Variants in RORB observed in about 807,000 individuals in gnomAD.
RORB encodes nuclear receptor ROR-beta.
A neutral mutation model predicts 59.1 loss-of-function variants in RORB; 6 were observed. The ratio of observed to expected loss-of-function variants is 0.10; its 90% confidence interval spans 0.06 to 0.20. RORB has a LOEUF of 0.20. Among genes scored for constraint, RORB ranks in the 10% least tolerant of loss-of-function variants. The pLI is 1.00. For missense variants in RORB, 320 were observed against 560.5 expected (o/e 0.57, Z 4.33); for synonymous variants, 215 against 204.5 (o/e 1.05, Z -0.44).
chr9:74,540,785 A>G (rs1319630502), intron 1 of RORB, among the ~76,000 whole-genome samples: 1 of 152,148 alleles, frequency 6.6e-6, no homozygotes, highest in East Asian at 1.9e-4. Flanking sequence ...CCACATAAAT[A>G]TATCATCTTG....
chr9:74,591,903 C>T (rs148412827), intron 1 of RORB, among the ~76,000 whole-genome samples: 344 of 151,686 alleles, frequency 2.3e-3, no homozygotes, highest in African/African-American at 8.0e-3. Context: ...GGAGTGTGTG[C>T]GTGTGCATGT....
chr9:74,619,533 C>T (rs1563954891), intron 1 of RORB, among the ~76,000 whole-genome samples: 1 of 152,134 alleles, frequency 6.6e-6, no homozygotes, highest in South Asian at 2.1e-4. Context: ...CTCACTGCAA[C>T]CTCTGCCTCC....
chr9:74,597,955 T>C (rs1226199508), intron 1 of RORB, among the ~76,000 whole-genome samples: 9 of 150,776 alleles, frequency 6.0e-5, no homozygotes, highest in Non-Finnish European at 1.3e-4. Flanking sequence ...TGAAACTCTG[T>C]CTCAAAAAAA....
At chr9:74,649,721 A>G (rs1823962301) in intron 4 of RORB, among the ~76,000 whole-genome samples, 1 of 152,230 alleles carries the variant, frequency 6.6e-6, no homozygotes, top group African/African-American at 2.4e-5. Context: ...TATGATTTAC[A>G]TCACAAACAA....
chr9:74,574,577 A>T (rs371726524), intron 1 of RORB, among the ~76,000 whole-genome samples: 6 of 152,238 alleles, frequency 3.9e-5, no homozygotes, highest in African/African-American at 1.4e-4. Context: ...TTAGGCCTTC[A>T]CCACCATCCA....
intron 6 of RORB, 85 bp from the exon 7 acceptor site, chr9:74,665,402 CT>C: frequency 1.4e-6 from 1 of 697,666 alleles, no homozygotes. Context: ...TTGAAAGTCT[CT>C]TACCTATATG....
At chr9:74,578,725 G>A (rs536847893) in intron 1 of RORB, among the ~76,000 whole-genome samples, 10 of 152,074 alleles carry the variant, frequency 6.6e-5, no homozygotes, top group Admixed American at 1.3e-4. Flanking sequence ...TACCACAAGT[G>A]TAGTTAAAAT....
chr9:74,642,533 G>A lies in RORB; in HGVS notation c.355G>A (p.Ala119Thr). The stretch of plus-strand genomic sequence containing the variant: ...GCAGAGTGGGGAGGCAGAAGCCCTT[G>A]CCAGGGTGTACAGCAGCAGCATTAG... ...QQQSGEAEAL[A>T]RVYSSSISNG... The change falls in exon 4 of 10, where the codon GCC becomes ACC. Residue 119 changes from alanine to threonine, a missense_variant. By Grantham distance (58) the Ala-to-Thr change is moderately conservative (BLOSUM62 0). Transcript: ENST00000376896. 6.2e-7 allele frequency: 1 copy of A among 1,614,218 alleles called. No homozygotes were observed. Among genetic ancestry groups the A allele is most frequent in the East Asian group, 2.2e-5 (1 of 44,886 alleles).
intron 1 of RORB, among the ~76,000 whole-genome samples, chr9:74,564,644 A>C (rs947108974): frequency 1.3e-5 from 2 of 152,228 alleles, no homozygotes; most frequent in Non-Finnish European, 2.9e-5. Flanking sequence ...TTGAATAGTC[A>C]GTAAATATGC....
chr9:74,668,481 G>A (rs1328170955), intron 8 of RORB, among the ~76,000 whole-genome samples: 1 of 152,172 alleles, frequency 6.6e-6, no homozygotes, highest in Non-Finnish European at 1.5e-5. Context: ...TCAAAAATCT[G>A]CATGTAACTT....
chr9:74,670,702 C>T (rs1824332302), intron 8 of RORB, among the ~76,000 whole-genome samples: 1 of 152,196 alleles, frequency 6.6e-6, no homozygotes, highest in Admixed American at 6.5e-5. Flanking sequence ...CATCTCCTGC[C>T]AGACAGCCCC....
intron 1 of RORB, among the ~76,000 whole-genome samples, chr9:74,601,209 A>G (rs574690012): frequency 1.3e-5 from 2 of 152,134 alleles, no homozygotes; most frequent in African/African-American, 4.8e-5. Flanking sequence ...TAGGAAAAAG[A>G]AGCTTAGAAA....
intron 1 of RORB, among the ~76,000 whole-genome samples, chr9:74,556,818 G>C (rs530946085): frequency 6.6e-6 from 1 of 152,144 alleles, no homozygotes; most frequent in Admixed American, 6.6e-5. Context: ...GAGCTGAATG[G>C]GGCCATAGAA....
At chr9:74,549,447 A>C (rs1313126018) in intron 1 of RORB, among the ~76,000 whole-genome samples, 2 of 146,606 alleles carry the variant, frequency 1.4e-5, no homozygotes, top group African/African-American at 2.5e-5. Flanking sequence ...CCGTCAAAAA[A>C]AAAAAAAGAA....
intron 1 of RORB, among the ~76,000 whole-genome samples, chr9:74,510,928 A>G (rs534565916): frequency 6.6e-6 from 1 of 152,330 alleles, no homozygotes; most frequent in Admixed American, 6.5e-5. Context: ...GCAGGAATTT[A>G]TAGTGATACA....
chr9:74,564,897 T>C (rs539625143), intron 1 of RORB, among the ~76,000 whole-genome samples: 3 of 152,352 alleles, frequency 2.0e-5, no homozygotes, highest in African/African-American at 7.2e-5. Context: ...GTGGCATTGA[T>C]AAAGTGTGGC....
rs182711306 is a variant in RORB, at chr9:74,636,465, A to G, written c.235+1693A>G. On this transcript the variant is annotated intron_variant, in intron 3 of 9. Coordinates refer to ENST00000376896, the MANE Select transcript of RORB (RefSeq NM_006914.4). Reference sequence around the variant, plus strand: ...AGGCAGATTCAACAGATTTAGTGACATCAGCCCACAAAATTTAGACGGTCT... The same window carrying G: ...AGGCAGATTCAACAGATTTAGTGACGTCAGCCCACAAAATTTAGACGGTCT... Among the ~76,000 whole-genome samples the G allele has an allele frequency of 4.9e-4, 75 of 152,294 alleles. 1 individual carries two copies. The East Asian group carries it at 0.011, about 22-fold the overall frequency.
intron 1 of RORB, among the ~76,000 whole-genome samples, chr9:74,511,687 C>T (rs28549988): frequency 0.01 from 1,508 of 149,966 alleles, 20 homozygotes; most frequent in African/African-American, 0.034. Context: ...CTTTATCTTT[C>T]ACTCATTGTG....
At chr9:74,571,378 C>G (rs1400828964) in intron 1 of RORB, among the ~76,000 whole-genome samples, 1 of 149,984 alleles carries the variant, frequency 6.7e-6, no homozygotes, top group Non-Finnish European at 1.5e-5. Context: ...GTATTTTTCA[C>G]TACAGTACTT....
Sources: allele counts gnomAD v4.1 joint callset (sites outside exome capture counted in the v4.1 genomes callset), GRCh38; gene constraint gnomAD v4.1.1; transcripts MANE v1.5; gene names NCBI Gene and HGNC (gene_info 2026-07-23, HGNC 2026-07-21).